IPCEF1: variants seen among roughly 807,000 people sequenced by gnomAD.
IPCEF1 encodes interaction protein for cytohesin exchange factors 1.
Under a neutral mutation model 50.9 loss-of-function variants are expected in IPCEF1, and 31 were observed. The ratio of observed to expected loss-of-function variants is 0.61; its 90% CI spans 0.46 to 0.82. The LOEUF (loss-of-function observed/expected upper bound fraction) is 0.82, where lower values mean the gene tolerates loss of function less well. IPCEF1 is among the 40% of genes least tolerant of loss of function. IPCEF1 has a pLI of 0.00. For missense variants in IPCEF1, 458 were observed against 514.0 expected (o/e 0.89, Z 1.05); for synonymous variants, 181 against 192.0 (o/e 0.94, Z 0.47).
intron 10 of IPCEF1, among the ~76,000 whole-genome samples, chr6:154,174,465 G>T (rs890063853): frequency 6.6e-6 from 1 of 152,114 alleles, no homozygotes; most frequent in Non-Finnish European, 1.5e-5. Flanking sequence ...AAAATAAAGG[G>T]AAGGAGGAAG....
chr6:154,211,376 T>A (rs574034288), intron 9 of IPCEF1, among the ~76,000 whole-genome samples: 1 of 149,468 alleles, frequency 6.7e-6, no homozygotes, highest in African/African-American at 2.5e-5. Context: ...GCCACTGCAC[T>A]CCAGGCCGGG....
intron 1 of IPCEF1, among the ~76,000 whole-genome samples, chr6:154,339,437 A>T (rs1327929912): frequency 1.4e-5 from 2 of 143,302 alleles, no homozygotes; most frequent in Non-Finnish European, 3.1e-5. Context: ...TTAATCTTTA[A>T]TTTTTTTTTT....
chr6:154,228,473 G>A (rs190487773), intron 5 of IPCEF1, among the ~76,000 whole-genome samples: 28 of 152,210 alleles, frequency 1.8e-4, no homozygotes, highest in Admixed American at 2.6e-4. Context: ...GAAGAAACAC[G>A]TTCCTTTTCA....
intron 1 of IPCEF1, among the ~76,000 whole-genome samples, chr6:154,305,950 T>C: frequency 6.6e-6 from 1 of 152,250 alleles, no homozygotes; most frequent in East Asian, 1.9e-4. Context: ...TCTCTACTTT[T>C]GAGGTTTTGG....
intron 5 of IPCEF1, among the ~76,000 whole-genome samples, chr6:154,227,601 C>T (rs1243887903): frequency 6.6e-6 from 1 of 152,040 alleles, no homozygotes; most frequent in African/African-American, 2.4e-5. Flanking sequence ...GCCTATATTC[C>T]CAGCTACTTG....
intron 1 of IPCEF1, among the ~76,000 whole-genome samples, chr6:154,356,339 G>T (rs2128703772): frequency 6.6e-6 from 1 of 152,276 alleles, no homozygotes; most frequent in East Asian, 1.9e-4. Context: ...TTCCCCAAAT[G>T]AACTCCTCAG....
intron 3 of IPCEF1, among the ~76,000 whole-genome samples, chr6:154,258,299 T>G (rs1015886927): frequency 3.3e-5 from 5 of 152,210 alleles, no homozygotes; most frequent in African/African-American, 1.2e-4. Flanking sequence ...ATGAGGAACT[T>G]CAGCTTGGTG....
chr6:154,260,376 T>G (rs1025552636), intron 3 of IPCEF1, among the ~76,000 whole-genome samples: 2 of 152,296 alleles, frequency 1.3e-5, no homozygotes, highest in South Asian at 4.1e-4. Flanking sequence ...GTAAAAGAGA[T>G]TATCTGTCTC....
chr6:154,205,561 C>T (rs1777424722), intron 9 of IPCEF1, among the ~76,000 whole-genome samples: 1 of 152,200 alleles, frequency 6.6e-6, no homozygotes, highest in Non-Finnish European at 1.5e-5. Context: ...CACCACTGCA[C>T]TCTAGCCTGG....
intron 1 of IPCEF1, among the ~76,000 whole-genome samples, chr6:154,334,641 C>G (rs1783750926): frequency 6.6e-6 from 1 of 152,190 alleles, no homozygotes; most frequent in African/African-American, 2.4e-5. Flanking sequence ...GGTCAGGCAA[C>G]AGAATGCTCT....
chr6:154,324,120 T>C (rs1379092628), intron 1 of IPCEF1, among the ~76,000 whole-genome samples: 1 of 152,206 alleles, frequency 6.6e-6, no homozygotes, highest in African/African-American at 2.4e-5. Context: ...AATAAATGCA[T>C]AAATACACTG....
intron 11 of IPCEF1, among the ~76,000 whole-genome samples, chr6:154,160,521 T>C (rs574958690): frequency 1.3e-5 from 2 of 152,218 alleles, no homozygotes; most frequent in Non-Finnish European, 2.9e-5. Context: ...TCACATTTAT[T>C]TAATACAGAA....
At chr6:154,172,775 T>C (rs1365706561) in intron 10 of IPCEF1, among the ~76,000 whole-genome samples, 1 of 152,234 alleles carries the variant, frequency 6.6e-6, no homozygotes, top group African/African-American at 2.4e-5. Context: ...CAGATTTAAG[T>C]GTCCTTGCCT....
At chr6:154,353,917 T>C (rs1244539230) in intron 1 of IPCEF1, among the ~76,000 whole-genome samples, 1 of 152,236 alleles carries the variant, frequency 6.6e-6, no homozygotes, top group Non-Finnish European at 1.5e-5. Flanking sequence ...TAACTAGGCT[T>C]ATCATATTTA....
At chr6:154,287,160 CCTCTCTCTCTCT>C (rs10563787) in intron 2 of IPCEF1, among the ~76,000 whole-genome samples, 5 of 148,414 alleles carry the variant, frequency 3.4e-5, no homozygotes, top group South Asian at 2.2e-4. Context: ...CCCTTCTCTC[CCTCTCTCTCTCT>C]CTCTCTCTCT....
At chr6:154,230,220 C>G (rs138660925) in intron 5 of IPCEF1, among the ~76,000 whole-genome samples, 1 of 152,066 alleles carries the variant, frequency 6.6e-6, no homozygotes, top group South Asian at 2.1e-4. Context: ...TAAAATGTAC[C>G]TTAATAAAGC....
intron 2 of IPCEF1, among the ~76,000 whole-genome samples, chr6:154,271,444 A>C (rs1781900014): frequency 6.6e-6 from 1 of 152,158 alleles, no homozygotes; most frequent in Non-Finnish European, 1.5e-5. Flanking sequence ...AAACAATGTA[A>C]AATGTGCAAG....
At position 154,243,647 on chromosome 6, in the gene IPCEF1, T is replaced by A. The variant is rs552812754; in HGVS notation, c.246+2944A>T. Among the ~76,000 whole-genome samples the A allele has an allele frequency of 2.6e-4, 40 of 152,322 alleles. No individual in the cohort carries two copies. In the South Asian group the frequency reaches 6.8e-3, roughly 26 times the overall value. On this transcript the variant is annotated intron_variant, in intron 5 of 11. Transcript: ENST00000367220. ...CTAAATTTCATTTCCAGAGCTGTTC[T>A]CTCAGAACCCGTTGAAGGCAGAAAA... is the stretch of plus-strand genomic sequence containing the variant.
At chr6:154,327,475 A>G (rs1253568230) in intron 1 of IPCEF1, among the ~76,000 whole-genome samples, 3 of 152,180 alleles carry the variant, frequency 2.0e-5, no homozygotes, top group African/African-American at 7.2e-5. Flanking sequence ...AAAAAGCTCA[A>G]AATCACAGAT....
Sources: allele counts gnomAD v4.1 joint callset (sites outside exome capture counted in the v4.1 genomes callset), GRCh38; gene constraint gnomAD v4.1.1; transcripts MANE v1.5; gene names NCBI Gene and HGNC (gene_info 2026-07-23, HGNC 2026-07-21).